The following MCF2L2 variants were observed in gnomAD, a reference collection of about 807,000 sequenced individuals.
MCF2L2 encodes probable guanine nucleotide exchange factor MCF2L2.
In MCF2L2, 102 loss-of-function variants were observed where a neutral mutation model predicts 150.2. The ratio of observed to expected loss-of-function variants is 0.68; its 90% CI spans 0.58 to 0.80. The LOEUF is 0.80. MCF2L2 is among the 30% of genes least tolerant of loss of function. MCF2L2 has a pLI of 0.00. For synonymous variants in MCF2L2, 465 were observed against 491.3 expected (o/e 0.95, Z 0.71); for missense variants, 1,256 against 1,372.8 (o/e 0.91, Z 1.34).
intron 3 of MCF2L2, among the ~76,000 whole-genome samples, chr3:183,354,099 A>T (rs1472821894): frequency 1.3e-5 from 2 of 152,196 alleles, no homozygotes; most frequent in African/African-American, 4.8e-5. Context: ...TCCCTTTGGA[A>T]TTCAGGCTCA....
chr3:183,411,616 CTT>C (rs5854983), intron 1 of MCF2L2, among the ~76,000 whole-genome samples: 9 of 142,842 alleles, frequency 6.3e-5, no homozygotes, highest in Admixed American at 1.4e-4. Flanking sequence ...CTACTTGAAG[CTT>C]TTTTTTTTTT....
intron 14 of MCF2L2, among the ~76,000 whole-genome samples, chr3:183,277,305 C>T (rs959054546): frequency 1.3e-5 from 2 of 150,608 alleles, no homozygotes; most frequent in Admixed American, 6.6e-5. Context: ...CCATTGCACT[C>T]CAGCCTCAGC....
rs1721517529 is a variant in MCF2L2, at chr3:183,181,441, C to T, written c.3017-1282G>A. ...GTTGAAGCAAGTCCTGGTTGAGTTC[C>T]TAGTCCCAGGAGGTGGGAGGGGCAA... On this transcript the variant is annotated intron_variant, in intron 27 of 29. Coordinates refer to ENST00000328913, the MANE Select transcript of MCF2L2 (RefSeq NM_015078.4). This position sits in a 1 kb window ranked among gnomAD's most constrained non-coding sequence, Gnocchi z 4.3. 6.6e-6 allele frequency among the ~76,000 whole-genome samples: 1 copy of T among 152,014 alleles called. No homozygotes were observed. Among genetic ancestry groups the T allele is most frequent in the Non-Finnish European group, 1.5e-5 (1 of 67,974 alleles).
At chr3:183,367,211 T>TTTTC (rs765523971) in intron 3 of MCF2L2, among the ~76,000 whole-genome samples, 2 of 151,822 alleles carry the variant, frequency 1.3e-5, no homozygotes, top group African/African-American at 2.4e-5. Context: ...TAATGATTTC[T>TTTTC]TTTCTTTCTT....
chr3:183,379,430 G>A lies in MCF2L2; in HGVS notation c.161-19C>T. The stretch of plus-strand genomic sequence containing the variant: ...CGGCCTCCTGCAACAAAAACAGGTG[G>A]TCAAAATGTTAGCAAAATGTTGTCC... On this transcript the variant is annotated intron_variant, in intron 2 of 29. Coordinates refer to ENST00000328913, the MANE Select transcript of MCF2L2 (RefSeq NM_015078.4). 2.5e-6 allele frequency: 4 copies of A among 1,571,134 alleles called. No homozygotes were observed. Among genetic ancestry groups the A allele is most frequent in the Non-Finnish European group, 3.5e-6 (4 of 1,144,878 alleles).
At chr3:183,187,515 C>G (rs1412060437) in intron 27 of MCF2L2, among the ~76,000 whole-genome samples, 1 of 152,158 alleles carries the variant, frequency 6.6e-6, no homozygotes, top group Non-Finnish European at 1.5e-5. Flanking sequence ...TGTTTCCAGG[C>G]TGGAGTGCAG....
chr3:183,213,248 G>GA (rs1171572355), intron 22 of MCF2L2, among the ~76,000 whole-genome samples: 6,337 of 118,542 alleles, frequency 0.053, 379 homozygotes, highest in African/African-American at 0.17. Context: ...CATTGGATTT[G>GA]AAAAAAAAAA....
At chr3:183,295,240 G>A (rs1728428768) in intron 13 of MCF2L2, 60 bp downstream of exon 13, 1 of 1,507,068 alleles carries the variant, frequency 6.6e-7, no homozygotes, top group Non-Finnish European at 9.0e-7. Flanking sequence ...ACCAGTCACA[G>A]TCCTCATGGT....
At chr3:183,420,397 C>T (rs535581174) in intron 1 of MCF2L2, among the ~76,000 whole-genome samples, 5 of 152,208 alleles carry the variant, frequency 3.3e-5, no homozygotes, top group East Asian at 1.9e-4. Context: ...GTCAGGAGTT[C>T]GAGACCAGCC....
At chr3:183,397,818 G>A (rs924599290) in intron 1 of MCF2L2, among the ~76,000 whole-genome samples, 1 of 152,258 alleles carries the variant, frequency 6.6e-6, no homozygotes, top group Non-Finnish European at 1.5e-5. Flanking sequence ...CAAAATAAAT[G>A]GGTTTGAAGA....
At chr3:183,337,981 T>C (rs999408379) in intron 5 of MCF2L2, among the ~76,000 whole-genome samples, 1 of 152,232 alleles carries the variant, frequency 6.6e-6, no homozygotes, top group Non-Finnish European at 1.5e-5. Context: ...TGTTTTTCTC[T>C]TCTGAGAATC....
chr3:183,407,712 A>C (rs535272774), intron 1 of MCF2L2, among the ~76,000 whole-genome samples: 1 of 152,290 alleles, frequency 6.6e-6, no homozygotes, highest in South Asian at 2.1e-4. Context: ...TTTCCTTCTC[A>C]TTTCTGCAGA....
At chr3:183,300,336 G>C in intron 10 of MCF2L2, 140 bp from the exon 11 acceptor site, 2 of 747,990 alleles carry the variant, frequency 2.7e-6, no homozygotes, top group Non-Finnish European at 4.1e-6. Context: ...ACCTGAGAAA[G>C]CTCGGAATGG....
intron 5 of MCF2L2, among the ~76,000 whole-genome samples, chr3:183,326,976 T>A (rs1730070221): frequency 6.6e-6 from 1 of 152,116 alleles, no homozygotes; most frequent in African/African-American, 2.4e-5. Context: ...AAAATAGGAA[T>A]CTTGACCCAC....
At chr3:183,218,974 C>T (rs889677146) in intron 21 of MCF2L2, among the ~76,000 whole-genome samples, 15 of 152,152 alleles carry the variant, frequency 9.9e-5, no homozygotes, top group African/African-American at 3.6e-4. Context: ...AAATGACTGC[C>T]CCATAAGACA....
intron 1 of MCF2L2, among the ~76,000 whole-genome samples, chr3:183,398,756 T>C (rs976849108): frequency 6.6e-6 from 1 of 152,132 alleles, no homozygotes; most frequent in African/African-American, 2.4e-5. Context: ...CAGTATCTCA[T>C]GAATATAACG....
chr3:183,313,933 C>T (rs576982811), intron 7 of MCF2L2, among the ~76,000 whole-genome samples: 13 of 152,290 alleles, frequency 8.5e-5, no homozygotes, highest in Middle Eastern at 3.4e-3. Flanking sequence ...GTGGAGGTGC[C>T]GTTGTGCGTG....
intron 26 of MCF2L2, among the ~76,000 whole-genome samples, chr3:183,193,841 C>T (rs961794764): frequency 6.6e-6 from 1 of 152,148 alleles, no homozygotes; most frequent in Non-Finnish European, 1.5e-5. Flanking sequence ...TGAGCTAAAC[C>T]TCATCACCCC....
At chr3:183,404,847 T>C (rs1406190747) in intron 1 of MCF2L2, among the ~76,000 whole-genome samples, 1 of 151,732 alleles carries the variant, frequency 6.6e-6, no homozygotes, top group African/African-American at 2.4e-5. Flanking sequence ...CAGGCGACAG[T>C]GCAAGACTCC....
Sources: gnomAD v4.1 joint callset for allele counts (sites outside exome capture counted in the v4.1 genomes callset) on GRCh38, gnomAD v4.1.1 for gene constraint, Gnocchi (gnomAD v3.1) non-coding constraint, MANE v1.5 for transcripts, NCBI Gene and HGNC (gene_info 2026-07-23, HGNC 2026-07-21) for gene names.